Variants in METTL15 observed in about 807,000 individuals in gnomAD.
METTL15 encodes methyltransferase 15, mitochondrial 12S rRNA N4-cytidine.
In METTL15, 34 loss-of-function variants were observed where a neutral mutation model predicts 38.3. That is an observed-to-expected ratio of 0.89 (90% confidence interval 0.68 to 1.18). METTL15 has a LOEUF of 1.18. Among genes scored for constraint, METTL15 ranks in the 50% most tolerant of loss-of-function variants. METTL15 has a pLI of 0.00. For synonymous variants in METTL15, 162 were observed against 170.9 expected, an observed-to-expected ratio of 0.95 and a Z score of 0.41; for missense variants, 438 against 498.4, an observed-to-expected ratio of 0.88 and a Z score of 1.15.
chr11:28,299,608 A>G (rs569029957), intron 6 of METTL15, among the ~76,000 whole-genome samples: 7 of 152,242 alleles, frequency 4.6e-5, no homozygotes, highest in African/African-American at 7.2e-5. Flanking sequence ...CAATTTGTTT[A>G]ACAGAGAAAA....
chr11:28,247,911 T>G (rs1854579414), intron 4 of METTL15, among the ~76,000 whole-genome samples: 3 of 152,140 alleles, frequency 2.0e-5, no homozygotes, highest in African/African-American at 2.4e-5. Flanking sequence ...CAACAATTGC[T>G]GGTTAAAATA....
At chr11:28,507,604 G>A (rs1180924423) in intron 6 of METTL15, among the ~76,000 whole-genome samples, 1 of 152,046 alleles carries the variant, frequency 6.6e-6, no homozygotes, top group African/African-American at 2.4e-5. Context: ...AATGCTTCCA[G>A]TACAGAAACC....
intron 5 of METTL15, among the ~76,000 whole-genome samples, chr11:28,295,053 G>A (rs1856680422): frequency 1.3e-5 from 2 of 152,114 alleles, no homozygotes; most frequent in African/African-American, 4.8e-5. Context: ...GGTTTGAGCA[G>A]CTGAATTCAC....
chr11:28,196,281 C>T (rs10767703), intron 3 of METTL15, among the ~76,000 whole-genome samples: 151,724 of 152,150 alleles, frequency 1, 75,650 homozygotes, highest in Non-Finnish European at 1. Flanking sequence ...AATATATAGA[C>T]TGCTTTGGGC....
intron 4 of METTL15, among the ~76,000 whole-genome samples, chr11:28,282,373 A>G (rs904394824): frequency 6.6e-6 from 1 of 152,208 alleles, no homozygotes; most frequent in Non-Finnish European, 1.5e-5. Flanking sequence ...ATTCTCAATC[A>G]GCAGCAGGGA....
chr11:28,242,484 C>G (rs1289650065), intron 4 of METTL15, among the ~76,000 whole-genome samples: 2 of 152,010 alleles, frequency 1.3e-5, no homozygotes, highest in African/African-American at 4.8e-5. Flanking sequence ...GAACATCATT[C>G]CTAGAATATA....
At chr11:28,233,843 G>T (rs916585636) in intron 4 of METTL15, among the ~76,000 whole-genome samples, 1 of 151,438 alleles carries the variant, frequency 6.6e-6, no homozygotes, top group African/African-American at 2.4e-5. Flanking sequence ...TAGGGTACAT[G>T]TGCACAATGT....
At chr11:28,495,402 T>C (rs538031863) in intron 6 of METTL15, among the ~76,000 whole-genome samples, 23 of 152,234 alleles carry the variant, frequency 1.5e-4, no homozygotes, top group Admixed American at 6.5e-5. Flanking sequence ...CTAGATTTGA[T>C]CTTCAATAAT....
intron 3 of METTL15, among the ~76,000 whole-genome samples, chr11:28,167,706 T>TATATACTAGATTCATATCTAGTATCA (rs1182088699): frequency 5.3e-5 from 8 of 151,798 alleles, no homozygotes; most frequent in African/African-American, 1.5e-4. Flanking sequence ...GATTCACCTG[T>TATATACTAGATTCATATCTAGTATCA]ATATACTAGA....
At chr11:28,155,193 T>A (rs1590825853) in intron 3 of METTL15, among the ~76,000 whole-genome samples, 1 of 152,192 alleles carries the variant, frequency 6.6e-6, no homozygotes, top group East Asian at 1.9e-4. Context: ...TGGTTTAGGA[T>A]TGTATTAGAT....
chr11:28,464,997 C>G (rs781179322), intron 6 of METTL15, among the ~76,000 whole-genome samples: 4 of 152,318 alleles, frequency 2.6e-5, no homozygotes, highest in African/African-American at 7.2e-5. Context: ...GTCACACTCA[C>G]TCTATTTCCT....
In METTL15 at chr11:28,446,196, G is replaced by A. The variant is rs535775832; in HGVS notation, c.*424+21832G>A. 2.6e-5 allele frequency among the ~76,000 whole-genome samples: 4 copies of A among 152,182 alleles called. No homozygotes were observed. The East Asian group carries it at 5.8e-4, about 22-fold the overall frequency. The stretch of plus-strand genomic sequence containing the variant: ...GGGTGGAGACCCTTGTACCTGAGCC[G>A]GGGTGTAAGCTCCCATCAATGGACT... On this transcript the variant is annotated intron_variant and NMD_transcript_variant, in intron 6 of 7. Transcript: ENST00000532947.
chr11:28,262,896 A>G (rs1373690235), intron 4 of METTL15, among the ~76,000 whole-genome samples: 5 of 152,130 alleles, frequency 3.3e-5, no homozygotes, highest in Admixed American at 3.3e-4. Flanking sequence ...GAAGCTTCAA[A>G]ACTACATCCA....
At chr11:28,396,535 G>A (rs1487012507) in intron 5 of METTL15, among the ~76,000 whole-genome samples, 1 of 152,122 alleles carries the variant, frequency 6.6e-6, no homozygotes, top group African/African-American at 2.4e-5. Context: ...ACTGACAAGG[G>A]ACGTGAAGGA....
At chr11:28,161,084 T>C (rs866359140) in intron 3 of METTL15, among the ~76,000 whole-genome samples, 1 of 149,960 alleles carries the variant, frequency 6.7e-6, no homozygotes. Context: ...ATGACAGTGA[T>C]ATAGTCAGAT....
chr11:28,194,008 T>C (rs1804198424), intron 3 of METTL15, among the ~76,000 whole-genome samples: 1 of 151,996 alleles, frequency 6.6e-6, no homozygotes. Context: ...ACAATACCGG[T>C]TTGCAATCCC....
chr11:28,220,352 A>G (rs1590178532), intron 4 of METTL15, among the ~76,000 whole-genome samples: 1 of 151,970 alleles, frequency 6.6e-6, no homozygotes. Flanking sequence ...TGTTGGTTTA[A>G]AGTGTGTTTT....
chr11:28,439,895 A>G (rs907795861), intron 6 of METTL15, among the ~76,000 whole-genome samples: 1 of 152,218 alleles, frequency 6.6e-6, no homozygotes, highest in Non-Finnish European at 1.5e-5. Context: ...GAGTTGCCAG[A>G]TACAAGAAAA....
chr11:28,344,552 T>C (rs917169040), intron 3 of METTL15, among the ~76,000 whole-genome samples: 1 of 152,220 alleles, frequency 6.6e-6, no homozygotes, highest in African/African-American at 2.4e-5. Flanking sequence ...TTCCCACATG[T>C]GACCCAGTGA....
Sources: gnomAD v4.1 joint callset for allele counts (sites outside exome capture counted in the v4.1 genomes callset) on GRCh38, gnomAD v4.1.1 for gene constraint, MANE v1.5 for transcripts, NCBI Gene and HGNC (gene_info 2026-07-23, HGNC 2026-07-21) for gene names.